Variants in DNAI4 observed in about 807,000 individuals in gnomAD.
DNAI4 encodes dynein axonemal intermediate chain 4, also known as WD repeat domain 78.
A neutral mutation model predicts 105.8 loss-of-function variants in DNAI4; 85 were observed. That is an observed-to-expected ratio of 0.80 (90% CI 0.67 to 0.96). DNAI4 has a LOEUF of 0.96. DNAI4 is among the 40% of genes least tolerant of loss of function. DNAI4 has a pLI of 0.00. For missense variants in DNAI4, 1,014 were observed against 1,005.6 expected (o/e 1.01, Z -0.11); for synonymous variants, 352 against 331.5 (o/e 1.06, Z -0.67).
chr1:66,860,223 T>C (rs1380306451), intron 7 of DNAI4, among the ~76,000 whole-genome samples: 4 of 152,122 alleles, frequency 2.6e-5, no homozygotes, highest in South Asian at 2.1e-4. Context: ...AACTGAGATA[T>C]GGTCTTCATT....
rs1557997330 is a variant in DNAI4, at chr1:66,924,689, CCTGCCGGAGAGA to C, written c.131_142del (p.Val44_Ala47del). 2 of 1,614,132 alleles carry C rather than the reference CCTGCCGGAGAGA, an allele frequency of 1.2e-6. No individual in the cohort carries two copies. The highest frequency in any genetic ancestry group is 2.7e-5 in the African/African-American group (2 of 74,946). ...CCCGAAGTTCTGCTGCTTGTGACTG[CCTGCCGGAGAGA>C]CTGGCATGGTGGCGACCAGCTGGGG... On this transcript the variant is annotated inframe_deletion, in exon 1 of 17. Transcript: ENST00000371026.
At chr1:66,892,965 G>GAA (rs1378638310) in intron 3 of DNAI4, among the ~76,000 whole-genome samples, 17 of 122,516 alleles carry the variant, frequency 1.4e-4, no homozygotes, top group African/African-American at 5.8e-4. Context: ...AAGAAAGAAA[G>GAA]AAAGAAAGAA....
At chr1:66,861,811 T>C (rs750210782) in intron 7 of DNAI4, among the ~76,000 whole-genome samples, 1 of 152,176 alleles carries the variant, frequency 6.6e-6, no homozygotes, top group Non-Finnish European at 1.5e-5. Flanking sequence ...TAAGTTGTCA[T>C]AGAGCTAGTA....
intron 1 of DNAI4, among the ~76,000 whole-genome samples, chr1:66,923,186 G>T (rs1009834571): frequency 3.9e-5 from 6 of 152,148 alleles, no homozygotes; most frequent in African/African-American, 1.4e-4. Flanking sequence ...TATGCAGGTT[G>T]GTAGCCTAGA....
intron 16 of DNAI4, among the ~76,000 whole-genome samples, chr1:66,816,834 T>C (rs1378897905): frequency 6.6e-6 from 1 of 151,536 alleles, no homozygotes; most frequent in Non-Finnish European, 1.5e-5. Context: ...GAGCATACTG[T>C]TCAAATTAAA....
intron 16 of DNAI4, among the ~76,000 whole-genome samples, chr1:66,821,579 T>C (rs1177590100): frequency 1.3e-5 from 2 of 152,192 alleles, no homozygotes; most frequent in African/African-American, 4.8e-5. Flanking sequence ...AGAATGCTAT[T>C]AGAATTTAAT....
intron 7 of DNAI4, among the ~76,000 whole-genome samples, chr1:66,859,261 C>T (rs1242390935): frequency 6.6e-6 from 1 of 152,176 alleles, no homozygotes; most frequent in African/African-American, 2.4e-5. Context: ...GCTACCACTA[C>T]ATACATATTT....
Position 66,840,570 on chromosome 1 carries a change from C to G in DNAI4, c.1393G>C (p.Glu465Gln), listed in dbSNP as rs766294765. Residue 465 changes from glutamate to glutamine, a missense_variant, in exon 9 of 17, where the codon GAA becomes CAA. Glu to Gln is a conservative substitution (Grantham distance 29). Transcript: ENST00000371026. ...TCCAAGTTGGCGGGTATTGTTGATT[C>G]TTCTGCATGTATTTCTTCTTCCTCC... ...KEEEEEIHAE[E>Q]STIPANLERL... is the part of the protein sequence containing the mutation. 6.2e-6 allele frequency: 10 copies of G among 1,614,206 alleles called. No individual in the cohort carries two copies. The highest frequency in any genetic ancestry group is 1.7e-5 in the Admixed American group (1 of 60,032).
At chr1:66,891,036 A>G in intron 4 of DNAI4, 118 bp downstream of exon 4, 1 of 852,054 alleles carries the variant, frequency 1.2e-6, no homozygotes, top group Non-Finnish European at 2.0e-6. Context: ...AAGCGACTTC[A>G]CAAGCCAGCA....
intron 15 of DNAI4, among the ~76,000 whole-genome samples, chr1:66,823,611 T>A (rs1458889657): frequency 6.7e-6 from 1 of 149,458 alleles, no homozygotes. Context: ...CTAACTGGTG[T>A]GAGATGGTAT....
At chr1:66,879,399 T>C (rs12142975) in intron 4 of DNAI4, among the ~76,000 whole-genome samples, 16,380 of 152,264 alleles carry the variant, frequency 0.11, 1,160 homozygotes, top group Admixed American at 0.15. Flanking sequence ...TTCCATTATA[T>C]GGACATGCTA....
At chr1:66,814,456 C>T (rs1645472559) in intron 16 of DNAI4, among the ~76,000 whole-genome samples, 1 of 152,026 alleles carries the variant, frequency 6.6e-6, no homozygotes, top group Non-Finnish European at 1.5e-5. Flanking sequence ...GTAACCTCCG[C>T]CTCCTGGGTT....
chr1:66,844,084 C>CAAAAAAAAAAAAAA (rs55925419), intron 8 of DNAI4, among the ~76,000 whole-genome samples: 2 of 66,356 alleles, frequency 3.0e-5, no homozygotes, highest in African/African-American at 6.1e-5. Context: ...ACTGGAGATT[C>CAAAAAAAAAAAAAA]AAAAAAAAAA....
chr1:66,828,428 C>T (rs1572601342), intron 13 of DNAI4: 1 of 152,278 alleles, frequency 6.6e-6, no homozygotes, highest in Admixed American at 6.5e-5. Flanking sequence ...ATCTGACTCA[C>T]ATTCTCTTCA....
intron 6 of DNAI4, among the ~76,000 whole-genome samples, chr1:66,865,109 T>A (rs982660152): frequency 6.6e-6 from 1 of 152,164 alleles, no homozygotes; most frequent in Non-Finnish European, 1.5e-5. Flanking sequence ...AGAATTTAGA[T>A]GCAAATTAAG....
chr1:66,866,317 GAA>G (rs908002545), intron 6 of DNAI4, among the ~76,000 whole-genome samples: 1 of 143,976 alleles, frequency 6.9e-6, no homozygotes, highest in Admixed American at 6.9e-5. Context: ...AAAAAAAAAA[GAA>G]AAAAAAAAGA....
chr1:66,847,575 A>C lies in DNAI4; in HGVS notation c.1200T>G (p.Phe400Leu), dbSNP rs759396836. The change falls in exon 8 of 17, where the codon TTT becomes TTG. Residue 400 changes from phenylalanine (F) to leucine (L), a missense_variant. Transcript: ENST00000371026. ...GTTCCATAAAAAATAAGTCCTGATG[A>C]AATTTGTCAGATTTTAATATTGCAT... ...HSDAILKSDK[F>L]HQDLFFMERV... The C allele has an allele frequency of 6.2e-7, 1 of 1,614,042 alleles. No homozygotes were observed.
intron 9 of DNAI4, among the ~76,000 whole-genome samples, chr1:66,839,858 C>A (rs1317382974): frequency 1.3e-5 from 2 of 152,152 alleles, no homozygotes; most frequent in Non-Finnish European, 1.5e-5. Flanking sequence ...TGACTTTGGG[C>A]AAATTATTTA....
rs1007077190 is a variant in DNAI4, at chr1:66,843,461, T to C, written c.1292-2790A>G. Among the ~76,000 whole-genome samples, 4 of 152,254 alleles carry C rather than the reference T, an allele frequency of 2.6e-5. No individual in the cohort carries two copies. The East Asian group carries it at 7.7e-4, about 29-fold the overall frequency. ...ATGTATCAGAAATGTCTTTTGAAAA[T>C]ATTATCTTCAGTATGTGACTTGTCT... On this transcript the variant is annotated intron_variant, in intron 8 of 16. Coordinates refer to ENST00000371026, the MANE Select transcript of DNAI4 (RefSeq NM_024763.5).
Sources: allele counts gnomAD v4.1 joint callset (sites outside exome capture counted in the v4.1 genomes callset), GRCh38; gene constraint gnomAD v4.1.1; transcripts MANE v1.5; gene names NCBI Gene and HGNC (gene_info 2026-07-23, HGNC 2026-07-21).